ITPR1: variants seen among roughly 807,000 people sequenced by gnomAD.
The protein encoded by ITPR1 is inositol 1,4,5-trisphosphate receptor type 1, also known as inositol 1,4,5-trisphosphate-gated calcium channel ITPR1.
In ITPR1, 96 loss-of-function variants were observed where a neutral mutation model predicts 318.4. The observed-to-expected ratio is 0.30, with a 90% CI of 0.26 to 0.36. The LOEUF is 0.36. Among genes scored for constraint, ITPR1 ranks in the 10% least tolerant of loss-of-function variants. ITPR1 has a pLI of 1.00. For synonymous variants in ITPR1, 1,312 were observed against 1,289.9 expected (o/e 1.02, Z -0.37); for missense variants, 2,440 against 3,460.2 (o/e 0.71, Z 7.40).
At chr3:4,833,901 T>A (rs1282296966) in intron 60 of ITPR1, among the ~76,000 whole-genome samples, 1 of 146,156 alleles carries the variant, frequency 6.8e-6, no homozygotes, top group African/African-American at 2.8e-5. Context: ...TTAGTTAGTT[T>A]TTTATTTGTT....
At chr3:4,763,861 T>G (rs2045628234) in intron 44 of ITPR1, among the ~76,000 whole-genome samples, 2 of 152,278 alleles carry the variant, frequency 1.3e-5, no homozygotes, top group Admixed American at 1.3e-4. Flanking sequence ...TATCTGTGTG[T>G]GTCGCGTGGC....
chr3:4,543,589 C>T (rs765734730), intron 4 of ITPR1, among the ~76,000 whole-genome samples: 11 of 152,174 alleles, frequency 7.2e-5, no homozygotes, highest in Admixed American at 1.3e-4. Context: ...GCTATAGGCA[C>T]GTGCCACCAC....
chr3:4,575,019 C>G (rs185191520), intron 4 of ITPR1, among the ~76,000 whole-genome samples: 1 of 152,244 alleles, frequency 6.6e-6, no homozygotes, highest in Admixed American at 6.5e-5. Context: ...ATGGTGCTTA[C>G]ACATGGGTGT....
At chr3:4,613,425 T>C (rs1338052160) in intron 4 of ITPR1, among the ~76,000 whole-genome samples, 1 of 151,978 alleles carries the variant, frequency 6.6e-6, no homozygotes, top group Non-Finnish European at 1.5e-5. Flanking sequence ...GATTTGGGGG[T>C]CCCAAGATTT....
chr3:4,711,534 C>T, intron 38 of ITPR1: 1 of 524,768 alleles, frequency 1.9e-6, no homozygotes, highest in Non-Finnish European at 3.4e-6. Flanking sequence ...CTGACTCCTG[C>T]CCAGTGAGCC....
intron 55 of ITPR1, among the ~76,000 whole-genome samples, chr3:4,811,052 T>C (rs898811881): frequency 1.2e-4 from 19 of 152,238 alleles, no homozygotes; most frequent in Non-Finnish European, 2.4e-4. Context: ...AAGTTGCTAT[T>C]GTTTCCTGCT....
In ITPR1 at chr3:4,642,173, C is replaced by G; in HGVS notation, c.447C>G (p.Val149=). ...PALLEKNAMR[V]TLDEAGNEGS... is the part of the protein sequence containing the mutation. ...TGTTGGAGAAGAATGCCATGAGAGT[C>G]ACATTGGACGAGGCTGGAAATGAAG... The change falls in exon 7 of 62, where the codon GTC becomes GTG. Residue 149 remains valine, a synonymous_variant. Coordinates refer to ENST00000649015, the MANE Select transcript of ITPR1 (RefSeq NM_001378452.1). 1 of 1,608,972 alleles carries G rather than the reference C, an allele frequency of 6.2e-7. No individual in the cohort carries two copies.
chr3:4,617,411 T>A (rs1345475754), intron 4 of ITPR1, among the ~76,000 whole-genome samples: 1 of 152,136 alleles, frequency 6.6e-6, no homozygotes, highest in East Asian at 1.9e-4. Context: ...GGAGGATGGC[T>A]GTTCTTCATA....
intron 4 of ITPR1, among the ~76,000 whole-genome samples, chr3:4,553,097 T>G (rs2085734372): frequency 1.3e-5 from 2 of 152,128 alleles, no homozygotes; most frequent in Non-Finnish European, 2.9e-5. Context: ...AAAGAATAGA[T>G]GAGGTGCTGT....
At chr3:4,804,025 C>G (rs1410763948) in intron 54 of ITPR1, among the ~76,000 whole-genome samples, 3 of 152,184 alleles carry the variant, frequency 2.0e-5, no homozygotes, top group Non-Finnish European at 2.9e-5. Context: ...GTGTGTGCCG[C>G]CATGCCTGGC....
At chr3:4,599,682 AC>A (rs1322520287) in intron 4 of ITPR1, among the ~76,000 whole-genome samples, 1 of 152,108 alleles carries the variant, frequency 6.6e-6, no homozygotes, top group African/African-American at 2.4e-5. Flanking sequence ...TGAATGAAGG[AC>A]CTTGGTTGCA....
chr3:4,735,637 C>T (rs1354724768), intron 44 of ITPR1: 1 of 396,200 alleles, frequency 2.5e-6, no homozygotes, highest in Non-Finnish European at 4.6e-6. Context: ...GTGGGCACTC[C>T]ATAAATGTTT....
chr3:4,731,588 G>A (rs139828891), intron 42 of ITPR1, among the ~76,000 whole-genome samples: 13 of 152,156 alleles, frequency 8.5e-5, no homozygotes, highest in Middle Eastern at 3.4e-3. Flanking sequence ...GTCCCCTCCC[G>A]TCTCCCCTGT....
chr3:4,606,397 A>C (rs1253713227), intron 4 of ITPR1, among the ~76,000 whole-genome samples: 1 of 152,182 alleles, frequency 6.6e-6, no homozygotes, highest in East Asian at 1.9e-4. Context: ...TTGTAAACCA[A>C]AAGGTATCTG....
intron 29 of ITPR1, 83 bp from the exon 30 acceptor site, chr3:4,684,981 TTTGCC>T (rs2094365856): frequency 1.5e-6 from 2 of 1,351,514 alleles, no homozygotes; most frequent in East Asian, 4.9e-5. Context: ...TATAATCCCC[TTTGCC>T]TCCCTGCCCG....
intron 24 of ITPR1, 75 bp downstream of exon 24, chr3:4,676,876 A>T: frequency 3.4e-6 from 4 of 1,176,430 alleles, no homozygotes; most frequent in Non-Finnish European, 4.8e-6. Flanking sequence ...CTCTGTTCTG[A>T]TGGAGCCCAA....
At chr3:4,609,089 T>TATATATATATATATATACACACAC (rs1171860541) in intron 4 of ITPR1, among the ~76,000 whole-genome samples, 2 of 91,950 alleles carry the variant, frequency 2.2e-5, no homozygotes, top group Non-Finnish European at 4.6e-5. Flanking sequence ...TATATATATA[T>TATATATATATATATATACACACAC]ACACACACAC....
intron 26 of ITPR1, among the ~76,000 whole-genome samples, chr3:4,682,926 T>C (rs1051417554): frequency 2.0e-5 from 3 of 152,196 alleles, no homozygotes; most frequent in Non-Finnish European, 4.4e-5. Flanking sequence ...TGGTAGTGCA[T>C]TCCTATAGTC....
At chr3:4,731,118 C>T (rs1218894895) in intron 42 of ITPR1, among the ~76,000 whole-genome samples, 2 of 152,202 alleles carry the variant, frequency 1.3e-5, no homozygotes, top group Admixed American at 1.3e-4. Context: ...ATGGAGACAA[C>T]CTTTTCTTTC....
Sources: gnomAD v4.1 joint callset for allele counts (sites outside exome capture counted in the v4.1 genomes callset) on GRCh38, gnomAD v4.1.1 for gene constraint, MANE v1.5 for transcripts, NCBI Gene and HGNC (gene_info 2026-07-23, HGNC 2026-07-21) for gene names.